Variants in GPC5 observed in about 807,000 individuals in gnomAD.
GPC5 encodes the protein glypican-5.
A neutral mutation model predicts 53.9 loss-of-function variants in GPC5; 47 were observed. The ratio of observed to expected loss-of-function variants is 0.87; its 90% CI spans 0.69 to 1.11. The LOEUF is 1.11. GPC5 is among the 50% of genes most tolerant of loss of function. The pLI is 0.00. For synonymous variants in GPC5, 286 were observed against 263.3 expected (o/e 1.09, Z -0.84); for missense variants, 748 against 713.1 (o/e 1.05, Z -0.56).
chr13:92,199,819 A>AT (rs774691234), intron 7 of GPC5, among the ~76,000 whole-genome samples: 23 of 152,102 alleles, frequency 1.5e-4, no homozygotes, highest in South Asian at 4.2e-4. Context: ...TTTAAACACA[A>AT]TTTTTTTTAA....
chr13:91,761,353 C>T (rs757123219), intron 5 of GPC5, among the ~76,000 whole-genome samples: 9 of 152,074 alleles, frequency 5.9e-5, no homozygotes, highest in Non-Finnish European at 1.2e-4. Context: ...ACTTCTGTGA[C>T]CAAAATTGTG....
intron 6 of GPC5, among the ~76,000 whole-genome samples, chr13:91,952,173 T>C (rs1022469657): frequency 5.6e-5 from 6 of 106,872 alleles, no homozygotes; most frequent in East Asian, 3.8e-4. Flanking sequence ...TGATCTCTCT[T>C]TCTCTCTCTC....
chr13:92,231,703 T>C (rs1206254799), intron 7 of GPC5, among the ~76,000 whole-genome samples: 2 of 152,022 alleles, frequency 1.3e-5, no homozygotes, highest in Admixed American at 6.5e-5. Flanking sequence ...CAAGGTGGCT[T>C]ACGCCTGTAA....
At chr13:91,968,800 A>G (rs1285729545) in intron 6 of GPC5, among the ~76,000 whole-genome samples, 4 of 151,694 alleles carry the variant, frequency 2.6e-5, no homozygotes, top group African/African-American at 9.7e-5. Context: ...GTGCCATACC[A>G]CTGTGCTATT....
chr13:91,807,490 A>G (rs1437247183), intron 5 of GPC5, among the ~76,000 whole-genome samples: 1 of 152,188 alleles, frequency 6.6e-6, no homozygotes, highest in African/African-American at 2.4e-5. Context: ...ATAAGGCAAC[A>G]TTGTCCTTTG....
chr13:92,501,638 G>A (rs1458277139), intron 7 of GPC5, among the ~76,000 whole-genome samples: 1 of 152,018 alleles, frequency 6.6e-6, no homozygotes. Context: ...TGTGGGCCGA[G>A]ACACAGCATA....
intron 2 of GPC5, among the ~76,000 whole-genome samples, chr13:91,641,500 C>A (rs2034429507): frequency 6.6e-6 from 1 of 152,164 alleles, no homozygotes; most frequent in Non-Finnish European, 1.5e-5. Flanking sequence ...GAAAAAATAG[C>A]TAATGCATTC....
At chr13:92,430,426 G>A (rs543288821) in intron 7 of GPC5, among the ~76,000 whole-genome samples, 2 of 152,226 alleles carry the variant, frequency 1.3e-5, no homozygotes, top group South Asian at 2.1e-4. Context: ...AGGCAGTAAC[G>A]AAACTCTTCA....
At chr13:91,403,140 G>A (rs2138747236) in intron 1 of GPC5, among the ~76,000 whole-genome samples, 2 of 152,346 alleles carry the variant, frequency 1.3e-5, no homozygotes, top group South Asian at 4.1e-4. Flanking sequence ...CAACGTGTTT[G>A]TGGGGATCAA....
At chr13:91,610,815 A>C (rs188951398) in intron 2 of GPC5, among the ~76,000 whole-genome samples, 4 of 152,330 alleles carry the variant, frequency 2.6e-5, no homozygotes, top group Admixed American at 2.6e-4. Context: ...GAAAGTGGGC[A>C]AAGGTTGTTA....
chr13:92,678,439 TTC>T (rs75678180), intron 7 of GPC5, among the ~76,000 whole-genome samples: 33,576 of 152,046 alleles, frequency 0.22, 4,366 homozygotes, highest in South Asian at 0.36. Flanking sequence ...TATAAGAACA[TTC>T]TCCATCAAGG....
At chr13:92,820,583 T>A (rs1239458898) in intron 7 of GPC5, among the ~76,000 whole-genome samples, 2 of 152,142 alleles carry the variant, frequency 1.3e-5, no homozygotes, top group African/African-American at 4.8e-5. Context: ...GCCTTCGTTA[T>A]CTGACCTTCA....
intron 7 of GPC5, among the ~76,000 whole-genome samples, chr13:92,556,667 T>G (rs990296031): frequency 2.6e-5 from 4 of 151,872 alleles, no homozygotes; most frequent in Admixed American, 1.3e-4. Context: ...TCAACCCCTT[T>G]TTTTAATGTA....
At chr13:91,784,862 T>C (rs139783932) in intron 5 of GPC5, among the ~76,000 whole-genome samples, 1 of 152,294 alleles carries the variant, frequency 6.6e-6, no homozygotes, top group African/African-American at 2.4e-5. Context: ...AAATGTATCA[T>C]ATGTTGCCAA....
At chr13:92,294,751 T>A (rs2139188563) in intron 7 of GPC5, among the ~76,000 whole-genome samples, 1 of 152,124 alleles carries the variant, frequency 6.6e-6, no homozygotes, top group East Asian at 1.9e-4. Flanking sequence ...GGGTTTGGTT[T>A]GTTCTTGTTT....
At chr13:91,646,468 T>G (rs1294866118) in intron 2 of GPC5, among the ~76,000 whole-genome samples, 1 of 151,886 alleles carries the variant, frequency 6.6e-6, no homozygotes, top group Non-Finnish European at 1.5e-5. Flanking sequence ...TATAGTTATC[T>G]ACATTTAGAT....
intron 7 of GPC5, among the ~76,000 whole-genome samples, chr13:92,777,186 A>AG (rs1470132968): frequency 2.0e-5 from 3 of 150,964 alleles, no homozygotes; most frequent in Non-Finnish European, 4.4e-5. Context: ...AATACAAAAA[A>AG]CTAGCCGGGC....
At position 91,958,033 on chromosome 13, in the gene GPC5, T is replaced by C. The variant is rs151206794; in HGVS notation, c.1401+49976T>C. ...AAAATGAGCACTCACATATTGATAA[T>C]AACCTTGAATATAAACATATTGAAC... On this transcript the variant is annotated intron_variant, in intron 6 of 7. Coordinates refer to ENST00000377067, the MANE Select transcript of GPC5 (RefSeq NM_004466.6). Among the ~76,000 whole-genome samples the C allele has an allele frequency of 4.3e-4, 65 of 151,448 alleles. 1 individual carries two copies. The highest frequency in any genetic ancestry group is 1.4e-3 in the African/African-American group (60 of 41,414).
chr13:92,285,595 C>T (rs1254297117), intron 7 of GPC5, among the ~76,000 whole-genome samples: 2 of 152,150 alleles, frequency 1.3e-5, no homozygotes, highest in Non-Finnish European at 2.9e-5. Flanking sequence ...CACACATCTA[C>T]AACCATCTGA....
Sources: gnomAD v4.1 joint callset for allele counts (sites outside exome capture counted in the v4.1 genomes callset) on GRCh38, gnomAD v4.1.1 for gene constraint, MANE v1.5 for transcripts, NCBI Gene and HGNC (gene_info 2026-07-23, HGNC 2026-07-21) for gene names.